GPC5: variants seen among roughly 807,000 people sequenced by gnomAD.
GPC5 encodes glypican-5.
Under a neutral mutation model 53.9 loss-of-function variants are expected in GPC5, and 47 were observed. That is an observed-to-expected ratio of 0.87 (90% confidence interval 0.69 to 1.11). GPC5 has a LOEUF of 1.11. Ranked by LOEUF, GPC5 falls within the 50% of genes most tolerant of loss-of-function variation. The pLI, the probability that GPC5 is intolerant of heterozygous loss-of-function variation, is 0.00. For missense variants in GPC5, 748 were observed against 713.1 expected (o/e 1.05, Z -0.56); for synonymous variants, 286 against 263.3 (o/e 1.09, Z -0.84).
chr13:92,043,002 G>A (rs1397238516), intron 6 of GPC5, among the ~76,000 whole-genome samples: 1 of 152,190 alleles, frequency 6.6e-6, no homozygotes, highest in Non-Finnish European at 1.5e-5. Flanking sequence ...GCTGTACATA[G>A]ATTTGGGTAC....
In GPC5 at chr13:91,677,584, A is replaced by G. The variant is rs77366466; in HGVS notation, c.326-15603A>G. On this transcript the variant is annotated intron_variant, in intron 2 of 7. Coordinates refer to ENST00000377067, the MANE Select transcript of GPC5 (RefSeq NM_004466.6). ...TAGTTCATCTGTCAAGTTCTTTTGC[A>G]TTCTAATATACGGATTTTCCAAGCA... Among the ~76,000 whole-genome samples, 1,443 of 152,284 alleles carry G rather than the reference A, an allele frequency of 9.5e-3. 7 individuals carry two copies. Among genetic ancestry groups the G allele is most frequent in the Non-Finnish European group, 0.014 (941 of 68,008 alleles).
Position 92,296,569 on chromosome 13 carries a change from T to C in GPC5, c.1561+151580T>C, listed in dbSNP as rs1336587680. ...CCTGGGCTCCCACTTTGGTGGCATT[T>C]GAGGAGCCCTTCAGCCCCCTACTGC... On this transcript the variant is annotated intron_variant, in intron 7 of 7. Transcript: ENST00000377067. Among the ~76,000 whole-genome samples the C allele has an allele frequency of 3.9e-5, 6 of 152,036 alleles. No individual in the cohort carries two copies. In the East Asian group the frequency reaches 1.2e-3, roughly 30 times the overall value.
At chr13:91,945,402 A>T (rs1014068259) in intron 6 of GPC5, among the ~76,000 whole-genome samples, 9 of 151,894 alleles carry the variant, frequency 5.9e-5, no homozygotes, top group African/African-American at 1.7e-4. Flanking sequence ...TGGTCTCTTT[A>T]TCTTTTATTA....
intron 5 of GPC5, among the ~76,000 whole-genome samples, chr13:91,903,859 G>A (rs2039524096): frequency 1.3e-5 from 2 of 151,994 alleles, no homozygotes; most frequent in Non-Finnish European, 2.9e-5. Context: ...AGATTAACAT[G>A]AAACAACATT....
chr13:91,986,656 A>G (rs184923495), intron 6 of GPC5, among the ~76,000 whole-genome samples: 2 of 152,222 alleles, frequency 1.3e-5, no homozygotes, highest in Admixed American at 6.5e-5. Flanking sequence ...ATTACTTTGT[A>G]TAACAGTAAT....
intron 6 of GPC5, among the ~76,000 whole-genome samples, chr13:92,073,835 G>A (rs1257339727): frequency 6.6e-6 from 1 of 152,128 alleles, no homozygotes; most frequent in Admixed American, 6.5e-5. Flanking sequence ...ATCCCCACGT[G>A]TTGTAGGAGG....
At chr13:92,510,986 T>G (rs1418937455) in intron 7 of GPC5, among the ~76,000 whole-genome samples, 2 of 152,194 alleles carry the variant, frequency 1.3e-5, no homozygotes, top group Non-Finnish European at 2.9e-5. Flanking sequence ...AAGTAGATCA[T>G]TCCCATCATT....
At chr13:91,750,264 T>C (rs1172829394) in intron 4 of GPC5, among the ~76,000 whole-genome samples, 1 of 152,196 alleles carries the variant, frequency 6.6e-6, no homozygotes, top group African/African-American at 2.4e-5. Flanking sequence ...ATGAGCAACA[T>C]TTTTCTATTT....
chr13:92,059,144 G>T (rs569229161), intron 6 of GPC5, among the ~76,000 whole-genome samples: 5 of 152,104 alleles, frequency 3.3e-5, no homozygotes, highest in Admixed American at 6.5e-5. Context: ...TCACAGAGGG[G>T]TTATTTATTA....
chr13:92,827,216 C>T (rs925185604), intron 7 of GPC5, among the ~76,000 whole-genome samples: 2 of 152,074 alleles, frequency 1.3e-5, no homozygotes, highest in Non-Finnish European at 2.9e-5. Context: ...GGACAGATAA[C>T]GTTCTGCTTC....
intron 7 of GPC5, among the ~76,000 whole-genome samples, chr13:92,269,706 C>T (rs759448007): frequency 2.0e-5 from 3 of 152,068 alleles, no homozygotes; most frequent in Non-Finnish European, 2.9e-5. Flanking sequence ...ACACCTGGCC[C>T]GAAGGGATCC....
intron 3 of GPC5, among the ~76,000 whole-genome samples, chr13:91,703,787 T>TG (rs2036041602): frequency 6.6e-6 from 1 of 152,190 alleles, no homozygotes; most frequent in African/African-American, 2.4e-5. Flanking sequence ...TTTTATATAA[T>TG]GGGGAATTAT....
intron 7 of GPC5, among the ~76,000 whole-genome samples, chr13:92,177,830 C>T (rs2042119432): frequency 6.6e-6 from 1 of 152,260 alleles, no homozygotes; most frequent in Non-Finnish European, 1.5e-5. Flanking sequence ...TTAATTACAA[C>T]AAAGCTCAAC....
At chr13:92,471,564 A>T (rs1363085950) in intron 7 of GPC5, among the ~76,000 whole-genome samples, 1 of 152,110 alleles carries the variant, frequency 6.6e-6, no homozygotes, top group African/African-American at 2.4e-5. Flanking sequence ...GAGCAAGAAA[A>T]CTTAGTTAAT....
chr13:92,017,908 G>A (rs938745417), intron 6 of GPC5, among the ~76,000 whole-genome samples: 33 of 150,990 alleles, frequency 2.2e-4, no homozygotes, highest in African/African-American at 7.6e-4. Flanking sequence ...ACACGTACAC[G>A]TGCATGAGTA....
intron 7 of GPC5, among the ~76,000 whole-genome samples, chr13:92,840,816 G>T (rs1357099724): frequency 6.6e-6 from 1 of 151,882 alleles, no homozygotes; most frequent in Non-Finnish European, 1.5e-5. Context: ...CAAGTCTTTT[G>T]CCACCTTATT....
At chr13:91,982,402 A>T (rs1043738985) in intron 6 of GPC5, among the ~76,000 whole-genome samples, 1 of 152,222 alleles carries the variant, frequency 6.6e-6, no homozygotes, top group Admixed American at 6.5e-5. Context: ...ATGATGTAAC[A>T]TCTATACCAC....
chr13:91,457,457 C>T (rs1377842239), intron 2 of GPC5, among the ~76,000 whole-genome samples: 1 of 151,886 alleles, frequency 6.6e-6, no homozygotes, highest in East Asian at 1.9e-4. Flanking sequence ...TTGCATTTGT[C>T]ATGGTTATTA....
At chr13:91,743,363 C>G (rs1359203478) in intron 4 of GPC5, among the ~76,000 whole-genome samples, 1 of 152,042 alleles carries the variant, frequency 6.6e-6, no homozygotes, top group African/African-American at 2.4e-5. Context: ...TCTGTGGGGG[C>G]ATAATTTAAG....
Sources: allele counts gnomAD v4.1 joint callset (sites outside exome capture counted in the v4.1 genomes callset), GRCh38; gene constraint gnomAD v4.1.1; transcripts MANE v1.5; gene names NCBI Gene and HGNC (gene_info 2026-07-23, HGNC 2026-07-21).